The following RNF121 variants were observed in gnomAD, a reference collection of about 807,000 sequenced individuals.
RNF121 encodes the protein E3 ubiquitin ligase RNF121.
In RNF121, 21 loss-of-function variants were observed where a neutral mutation model predicts 46.5. That is an observed-to-expected ratio of 0.45 (90% CI 0.32 to 0.65). The LOEUF is 0.65. Ranked by LOEUF, RNF121 falls within the 30% of genes least tolerant of loss-of-function variation. RNF121 has a pLI of 0.04. For missense variants in RNF121, 346 were observed against 416.0 expected, an observed-to-expected ratio of 0.83 and a Z score of 1.46; for synonymous variants, 139 against 144.7, an observed-to-expected ratio of 0.96 and a Z score of 0.28.
intron 7 of RNF121, chr11:71,995,148 C>G (rs748704255): frequency 3.6e-6 from 2 of 561,376 alleles, no homozygotes; most frequent in Non-Finnish European, 6.4e-6. Flanking sequence ...TGGGATCCCT[C>G]AGTTTAGCAT....
At chr11:71,959,326 A>G (rs1444236457) in intron 2 of RNF121, among the ~76,000 whole-genome samples, 1 of 152,214 alleles carries the variant, frequency 6.6e-6, no homozygotes, top group Non-Finnish European at 1.5e-5. Context: ...AAAGAATTGT[A>G]CAGTGAACAC....
At chr11:71,944,714 G>T (rs1002817209) in intron 1 of RNF121, among the ~76,000 whole-genome samples, 1 of 152,168 alleles carries the variant, frequency 6.6e-6, no homozygotes, top group Non-Finnish European at 1.5e-5. Flanking sequence ...TTGAACTTGG[G>T]TGACACAGTG....
At position 71,957,085 on chromosome 11, in the gene RNF121, A is replaced by G. The variant is rs534400516; in HGVS notation, c.64-142A>G. The G allele has an allele frequency of 8.5e-5, 62 of 728,936 alleles. No individual in the cohort carries two copies. The South Asian group carries it at 9.2e-4, about 11-fold the overall frequency. The allele number at this position is 728,936 out of a possible 1,614,324, so 45.2% of individuals were successfully genotyped here. A position where few individuals can be genotyped will look rare whatever the true frequency, so the allele number is the denominator to read the frequency against. ...AAGGGAGAGATCAGTGTGAAATAGA[A>G]TGGTTGGTAAGGCTTCATAGAGATA... On this transcript the variant is annotated intron_variant, in intron 1 of 8. Coordinates refer to ENST00000361756, the MANE Select transcript of RNF121 (RefSeq NM_018320.5).
intron 3 of RNF121, among the ~76,000 whole-genome samples, chr11:71,964,335 C>T (rs1023027150): frequency 6.6e-6 from 1 of 152,152 alleles, no homozygotes; most frequent in African/African-American, 2.4e-5. Context: ...AGAATTTCAA[C>T]TGATCGTTTT....
intron 2 of RNF121, among the ~76,000 whole-genome samples, chr11:71,957,897 A>G (rs947476636): frequency 6.6e-6 from 1 of 152,216 alleles, no homozygotes; most frequent in African/African-American, 2.4e-5. Flanking sequence ...ATGAGGTGAT[A>G]TCAACCTTAG....
intron 1 of RNF121, among the ~76,000 whole-genome samples, chr11:71,937,398 C>T (rs1405542472): frequency 6.6e-6 from 1 of 152,044 alleles, no homozygotes; most frequent in African/African-American, 2.4e-5. Context: ...CTGCAACCTC[C>T]GCCTCCTGGG....
At chr11:71,970,807 A>AGAAAGAAAG in intron 3 of RNF121, among the ~76,000 whole-genome samples, 1 of 152,348 alleles carries the variant, frequency 6.6e-6, no homozygotes, top group African/African-American at 2.4e-5. Context: ...AAAGAAAGCA[A>AGAAAGAAAG]CTACCAAGAC....
intron 1 of RNF121, among the ~76,000 whole-genome samples, chr11:71,949,329 G>A (rs544885315): frequency 3.4e-4 from 52 of 151,642 alleles, no homozygotes; most frequent in African/African-American, 1.2e-3. Context: ...GAGGTGGGAG[G>A]ATTGCTTAGG....
intron 1 of RNF121, among the ~76,000 whole-genome samples, chr11:71,935,322 TAG>T (rs1953380576): frequency 1.3e-5 from 2 of 152,344 alleles, no homozygotes; most frequent in South Asian, 4.1e-4. Context: ...AGCTGAGGCA[TAG>T]AGAATTTAAG....
chr11:71,966,638 C>T lies in RNF121; in HGVS notation c.243+5747C>T, dbSNP rs943469127. Among the ~76,000 whole-genome samples, 17 of 151,816 alleles carry T rather than the reference C, an allele frequency of 1.1e-4. No homozygotes were observed. In the Middle Eastern group the frequency reaches 0.02, roughly 182 times the overall value. ...CTAGGACTACAGGTACACACCACCACGCTTGGCTAATATATATATATTTTA... is the reference window on the plus strand; with the variant it reads ...CTAGGACTACAGGTACACACCACCATGCTTGGCTAATATATATATATTTTA... On this transcript the variant is annotated intron_variant, in intron 3 of 8. Coordinates refer to ENST00000361756, the MANE Select transcript of RNF121 (RefSeq NM_018320.5).
At chr11:71,935,035 A>G (rs556741920) in intron 1 of RNF121, among the ~76,000 whole-genome samples, 1 of 148,294 alleles carries the variant, frequency 6.7e-6, no homozygotes, top group East Asian at 2.0e-4. Flanking sequence ...TCAGCCTCCC[A>G]GGCTCAGGTG....
At chr11:71,960,074 C>T (rs2134176000) in intron 2 of RNF121, among the ~76,000 whole-genome samples, 1 of 152,304 alleles carries the variant, frequency 6.6e-6, no homozygotes, top group Admixed American at 6.5e-5. Flanking sequence ...CGAATGCCAG[C>T]CTTAGATTAA....
chr11:71,984,282 T>G (rs1954721221), intron 4 of RNF121, among the ~76,000 whole-genome samples: 2 of 152,216 alleles, frequency 1.3e-5, no homozygotes, highest in African/African-American at 4.8e-5. Flanking sequence ...TAGTAACTAC[T>G]AGCTTTTTTT....
At position 71,992,027 on chromosome 11, in the gene RNF121, G is replaced by C. The variant is rs185561766; in HGVS notation, c.627+1310G>C. Among the ~76,000 whole-genome samples, 166 of 152,080 alleles carry C rather than the reference G, an allele frequency of 1.1e-3. 1 individual carries two copies. Among genetic ancestry groups the C allele is most frequent in the African/African-American group, 4.0e-3 (164 of 41,470 alleles). ...CCAGCTACTTTGGAGACCAAGGTGG[G>C]AAGTCACTTGAGCCTTGCAGTGAGC... On this transcript the variant is annotated intron_variant, in intron 6 of 8. Transcript: ENST00000361756.
At chr11:71,994,089 C>G (rs892321736) in intron 6 of RNF121, among the ~76,000 whole-genome samples, 3 of 152,104 alleles carry the variant, frequency 2.0e-5, no homozygotes, top group African/African-American at 7.2e-5. Context: ...ATCCGCCCTC[C>G]TTGGCCTCCC....
chr11:71,937,980 GA>G (rs1281398800), intron 1 of RNF121, among the ~76,000 whole-genome samples: 1 of 152,228 alleles, frequency 6.6e-6, no homozygotes, highest in Non-Finnish European at 1.5e-5. Flanking sequence ...TTCCCAAGAG[GA>G]TGCTGGATCA....
intron 1 of RNF121, among the ~76,000 whole-genome samples, chr11:71,943,361 C>A (rs1953633892): frequency 6.6e-6 from 1 of 152,182 alleles, no homozygotes; most frequent in South Asian, 2.1e-4. Context: ...GCTTATAGCT[C>A]AGGGAGAGGT....
chr11:71,946,867 C>CTTTT lies in RNF121; in HGVS notation c.64-10343_64-10340dup, dbSNP rs34778760. On this transcript the variant is annotated intron_variant, in intron 1 of 8. Coordinates refer to ENST00000361756, the MANE Select transcript of RNF121 (RefSeq NM_018320.5). ...AGCTGGGATTACAGGTGCTCTGGCT[C>CTTTT]TTTTTTTTTTTTTTTTTTTTGAGAC... Among the ~76,000 whole-genome samples the CTTTT allele has an allele frequency of 9.6e-3, 946 of 98,096 alleles. 38 individuals carry two copies. Among genetic ancestry groups the CTTTT allele is most frequent in the African/African-American group, 0.013 (320 of 24,100 alleles). The allele number at this position is 98,096 out of a possible 152,430, so 64.4% of individuals were successfully genotyped here. A position where few individuals can be genotyped will look rare whatever the true frequency, so the allele number is the denominator to read the frequency against.
Position 71,940,949 on chromosome 11 carries a change from A to C in RNF121, c.63+11825A>C, listed in dbSNP as rs142992592. On this transcript the variant is annotated intron_variant, in intron 1 of 8. Transcript: ENST00000361756. ...GTCCAGCAAAATGAAAAGATATGCA[A>C]GGCTTGGAGACGTTAAACAGCGTGG... Among the ~76,000 whole-genome samples the C allele has an allele frequency of 3.1e-3, 470 of 152,390 alleles. 15 individuals are homozygous for C. Among genetic ancestry groups the C allele is most frequent in the Admixed American group, 0.027 (410 of 15,308 alleles).
Sources: allele counts gnomAD v4.1 joint callset (sites outside exome capture counted in the v4.1 genomes callset), GRCh38; gene constraint gnomAD v4.1.1; transcripts MANE v1.5; gene names NCBI Gene and HGNC (gene_info 2026-07-23, HGNC 2026-07-21).